NME3: variants seen among roughly 807,000 people sequenced by gnomAD.
NME3 encodes NME/NM23 nucleoside diphosphate kinase 3.
In NME3, 23 loss-of-function variants were observed where a neutral mutation model predicts 15.8. That is an observed-to-expected ratio of 1.45 (90% CI 1.05 to 2.06). The LOEUF is 2.06. Ranked by LOEUF, NME3 falls within the 30% of genes most tolerant of loss-of-function variation. The probability of loss-of-function intolerance (pLI) is 0.00; values close to 1 mark genes in which losing one functional copy is unlikely to be tolerated. For missense variants in NME3, 354 were observed against 243.2 expected (o/e 1.46, Z -3.03); for synonymous variants, 157 against 104.4 (o/e 1.50, Z -3.07).
chr16:1,770,754 G>C lies in NME3; in HGVS notation c.405C>G (p.His135Gln). The C allele has an allele frequency of 3.1e-6, 5 of 1,601,270 alleles. No individual in the cohort carries two copies. The highest frequency in any genetic ancestry group is 4.3e-6 in the Non-Finnish European group (5 of 1,174,966). ...GGGCACTCTCCACCGAGTCGCTGCC[G>C]TGAATCAGGTTCCTGCGCGGAAGAG... ...FCIEVGKNLI[H>Q]GSDSVESARR... is the part of the protein sequence containing the mutation. The change falls in exon 5 of 5, where the codon CAC becomes CAG. Residue 135 changes from histidine (H) to glutamine (Q), a missense_variant. His to Gln is a conservative substitution (Grantham distance 24, BLOSUM62 0). Transcript: ENST00000219302.
At chr16:1,770,833 C>G (rs763144327) in intron 4 of NME3, 48 bp downstream of exon 4, 26 of 1,573,000 alleles carry the variant, frequency 1.7e-5, no homozygotes, top group Non-Finnish European at 2.3e-5. Flanking sequence ...GCAGGCTGAA[C>G]AGGGGGAGGC....
Position 1,770,343 on chromosome 16 carries a change from A to G in NME3, c.*306T>C. 2.9e-6 allele frequency: 1 copy of G among 339,296 alleles called. No individual in the cohort carries two copies. Among genetic ancestry groups the G allele is most frequent in the Non-Finnish European group, 5.3e-6 (1 of 186,972 alleles). 21.0% of individuals were successfully genotyped at this position (339,296 alleles called of 1,614,324 possible). ...GCTGCCTGTTCCTGGGCCCAAATCG[A>G]AACGAAAACGAGGACTTTATTATAA... is the stretch of plus-strand genomic sequence containing the variant. On this transcript the variant is annotated 3_prime_UTR_variant, in exon 5 of 5. Transcript: ENST00000219302.
At position 1,770,924 on chromosome 16, in the gene NME3, G is replaced by T. The variant is rs770283567; in HGVS notation, c.349C>A (p.Pro117Thr). ...LIGATNPADA[P>T]PGTIRGDFCI... ...AAATCCCCGCGGATGGTGCCGGGCG[G>T]GGCGTCGGCCGGGTTCGTGGCTCCG... Residue 117 changes from proline to threonine, a missense_variant, in exon 4 of 5, where the codon CCG becomes ACG. Coordinates refer to ENST00000219302, the MANE Select transcript of NME3 (RefSeq NM_002513.3). The T allele has an allele frequency of 6.3e-7, 1 of 1,588,364 alleles. No individual in the cohort carries two copies.
chr16:1,770,848 C>T, intron 4 of NME3, 33 bp downstream of exon 4: 6 of 1,569,332 alleles, frequency 3.8e-6, no homozygotes, highest in African/African-American at 2.7e-5. Flanking sequence ...GGAGGCCGGA[C>T]GGGGCTGGGA....
rs112536934 is a variant in NME3 at position 1,770,617 on chromosome 16, T to C, written c.*32A>G. The C allele has an allele frequency of 1.6e-5, 24 of 1,510,148 alleles. No individual in the cohort carries two copies. The African/African-American group carries it at 2.2e-4, about 14-fold the overall frequency. The allele number at this position is 1,510,148 out of a possible 1,614,324, so 93.5% of individuals were successfully genotyped here. ...ACCTGGGCCCTGGAGGAGGCTGGAG[T>C]GTGAGAGCCTCTGTGACGCGCATCT... is the stretch of plus-strand genomic sequence containing the variant. On this transcript the variant is annotated 3_prime_UTR_variant, in exon 5 of 5. Transcript: ENST00000219302.
At position 1,771,541 on chromosome 16, in the gene NME3, G is replaced by C. The variant is rs1238979252; in HGVS notation, c.-7C>G. 7.9e-6 allele frequency: 9 copies of C among 1,132,238 alleles called. No individual in the cohort carries two copies. The South Asian group carries it at 2.2e-4, about 28-fold the overall frequency. The allele number at this position is 1,132,238 out of a possible 1,614,324, so 70.1% of individuals were successfully genotyped here. ...TCAGCACCAGGCAGATCATGATGGC[G>C]GTGCGGGAGCGGGATCCGCGGGGCG... On this transcript the variant is annotated 5_prime_UTR_variant, in exon 1 of 5. Transcript: ENST00000219302.
rs1185993271 is a variant in NME3 at position 1,771,172 on chromosome 16, C to T, written c.178-1G>A. 2 of 1,599,320 alleles carry T rather than the reference C, an allele frequency of 1.3e-6. No homozygotes were observed. ...GCTCACGCAGCAGCTCCTCGGAGGC[C>T]TGCGGAAGGGTCAGGCCGCCTGCGC... On this transcript the variant is annotated splice_acceptor_variant, in intron 2 of 4. Transcript: ENST00000219302. LOFTEE classifies it high-confidence loss of function.
chr16:1,771,068 A>G lies in NME3; in HGVS notation c.279+2T>C, dbSNP rs1372142082. On this transcript the variant is annotated splice_donor_variant, in intron 3 of 4. Transcript: ENST00000219302. LOFTEE classifies it high-confidence loss of function. ...CCGCCCGCCCGCTTCCCGGATACTC[A>G]CCATGGCCACCACCGGCCCGGAGGC... The G allele has an allele frequency of 1.2e-6, 2 of 1,606,306 alleles. No homozygotes were observed. The highest frequency in any genetic ancestry group is 1.7e-6 in the Non-Finnish European group (2 of 1,176,576).
Position 1,771,322 on chromosome 16 carries a change from G to C in NME3, c.135C>G (p.Phe45Leu). 6.2e-7 allele frequency: 1 copy of C among 1,604,444 alleles called. No individual in the cohort carries two copies. The highest frequency in any genetic ancestry group is 1.3e-5 in the African/African-American group (1 of 74,782). ...CCACCAACTTGAAGCCCTTCCTCTC[G>C]AAGCGCCGCACAATCTCGCCCACCA... ...RRLVGEIVRR[F>L]ERKGFKLVAL... Residue 45 changes from phenylalanine to leucine, a missense_variant, in exon 2 of 5, where the codon TTC (phenylalanine) becomes TTG (leucine). By Grantham distance (22) the Phe-to-Leu change is conservative. Transcript: ENST00000219302.
chr16:1,770,962 G>A lies in NME3; in HGVS notation c.311C>T (p.Ser104Leu), dbSNP rs1467003555. ...VWQGLDVVRTSRALIGATNPA... is the reference protein window; with the variant it reads ...VWQGLDVVRTLRALIGATNPA... ...GTTCGTGGCTCCGATGAGCGCCCGC[G>A]AGGTGCGCACCACGTCCAGCCCCTG... The change falls in exon 4 of 5, where the codon TCG becomes TTG. Residue 104 changes from serine (S) to leucine (L), a missense_variant. Transcript: ENST00000219302. 6.3e-7 allele frequency: 1 copy of A among 1,585,196 alleles called. No homozygotes were observed. The highest frequency in any genetic ancestry group is 1.7e-5 in the Admixed American group (1 of 58,320).
At chr16:1,771,214 G>C in intron 2 of NME3, 43 bp from the exon 3 acceptor site, 8 of 1,571,972 alleles carry the variant, frequency 5.1e-6, no homozygotes, top group Non-Finnish European at 6.9e-6. Context: ...CCGGCACCTA[G>C]GCGTCCCCAG....
In NME3 at chr16:1,770,960, G is replaced by C. The variant is rs570760529; in HGVS notation, c.313C>G (p.Arg105Gly). ...WQGLDVVRTS[R>G]ALIGATNPAD... ...GGGTTCGTGGCTCCGATGAGCGCCCGCGAGGTGCGCACCACGTCCAGCCCC... is the reference window on the plus strand; with the variant it reads ...GGGTTCGTGGCTCCGATGAGCGCCCCCGAGGTGCGCACCACGTCCAGCCCC... Residue 105 changes from arginine to glycine, a missense_variant, in exon 4 of 5, where the codon CGG (arginine) becomes GGG (glycine). Arg to Gly is a moderately radical substitution (Grantham distance 125, BLOSUM62 -2). Transcript: ENST00000219302. 1 of 1,584,942 alleles carries C rather than the reference G, an allele frequency of 6.3e-7. No homozygotes were observed. The highest frequency in any genetic ancestry group is 1.1e-5 in the South Asian group (1 of 89,286).
In NME3 at chr16:1,770,884, C is replaced by A. The variant is rs201104830; in HGVS notation, c.389G>T (p.Gly130Val). 59 of 1,573,892 alleles carry A rather than the reference C, an allele frequency of 3.7e-5. No individual in the cohort carries two copies. Among genetic ancestry groups the A allele is most frequent in the Non-Finnish European group, 4.6e-5 (53 of 1,155,780 alleles). The change falls in exon 4 of 5, where the codon GGC (glycine) becomes GTC (valine). Residue 130 changes from glycine (G) to valine (V), a missense_variant. Gly to Val is a moderately radical substitution (Grantham distance 109). Coordinates refer to ENST00000219302, the MANE Select transcript of NME3 (RefSeq NM_002513.3). ...CCGTCCCCGGGGCGGGCCTTACTTG[C>A]CAACCTCGATGCAGAAATCCCCGCG... ...TIRGDFCIEV[G>V]KNLIHGSDSV...
At position 1,770,733 on chromosome 16, in the gene NME3, A is replaced by G. The variant is rs752687177; in HGVS notation, c.426T>C (p.Ser142=). 5 of 1,594,580 alleles carry G rather than the reference A, an allele frequency of 3.1e-6. No homozygotes were observed. Among genetic ancestry groups the G allele is most frequent in the South Asian group, 1.1e-5 (1 of 89,100 alleles). The change falls in exon 5 of 5, where the codon AGT becomes AGC. Residue 142 remains serine, a synonymous_variant. Transcript: ENST00000219302. ...NLIHGSDSVE[S]ARREIALWFR... ...ACCAGAGAGCGATCTCGCGGCGGGC[A>G]CTCTCCACCGAGTCGCTGCCGTGAA...
Position 1,771,309 on chromosome 16 carries a change from A to G in NME3, c.148T>C (p.Phe50Leu), listed in dbSNP as rs1036058867. The G allele has an allele frequency of 6.2e-7, 1 of 1,606,366 alleles. No homozygotes were observed. The highest frequency in any genetic ancestry group is 8.5e-7 in the Non-Finnish European group (1 of 1,177,914). ...ACCAGCTTCAGCGCCACCAACTTGA[A>G]GCCCTTCCTCTCGAAGCGCCGCACA... ...EIVRRFERKG[F>L]KLVALKLVQA... is the part of the protein sequence containing the mutation. The change falls in exon 2 of 5, where the codon TTC becomes CTC. Residue 50 changes from phenylalanine (F) to leucine (L), a missense_variant. Coordinates refer to ENST00000219302, the MANE Select transcript of NME3 (RefSeq NM_002513.3).
At position 1,770,763 on chromosome 16, in the gene NME3, G is replaced by A. The variant is rs774778413; in HGVS notation, c.396C>T (p.Asn132=). The change falls in exon 5 of 5, where the codon AAC becomes AAT. Residue 132 remains asparagine (N), a synonymous_variant. Coordinates refer to ENST00000219302, the MANE Select transcript of NME3 (RefSeq NM_002513.3). The part of the protein sequence containing the change: ...RGDFCIEVGK[N]LIHGSDSVES... ...CCACCGAGTCGCTGCCGTGAATCAG[G>A]TTCCTGCGCGGAAGAGGCGCGTGTG... 13 of 1,602,150 alleles carry A rather than the reference G, an allele frequency of 8.1e-6. No homozygotes were observed. Among genetic ancestry groups the A allele is most frequent in the South Asian group, 1.1e-5 (1 of 90,254 alleles).
Position 1,771,292 on chromosome 16 carries a change from C to A in NME3, c.165G>T (p.Leu55=). 1 of 1,605,160 alleles carries A rather than the reference C, an allele frequency of 6.2e-7. No homozygotes were observed. The highest frequency in any genetic ancestry group is 2.2e-5 in the East Asian group (1 of 44,618). ...ACCGCGCCCCCACCTGCACCAGCTT[C>A]AGCGCCACCAACTTGAAGCCCTTCC... ...FERKGFKLVA[L]KLVQASEELL... is the part of the protein sequence containing the mutation. Residue 55 remains leucine, a synonymous_variant, in exon 2 of 5, where the codon CTG becomes CTT. Transcript: ENST00000219302.
intron 2 of NME3, 38 bp downstream of exon 2, chr16:1,771,242 C>A: frequency 1.3e-6 from 2 of 1,577,542 alleles, no homozygotes; most frequent in Non-Finnish European, 8.6e-7. Flanking sequence ...CTCCCCTTCC[C>A]CCCACACCGC....
intron 3 of NME3, 33 bp from the exon 4 acceptor site, chr16:1,771,026 G>A (rs1488972234): frequency 6.3e-7 from 1 of 1,595,012 alleles, no homozygotes; most frequent in Non-Finnish European, 8.6e-7. Context: ...TATCACGCGG[G>A]GGTGGGGGTC....
Sources: allele counts gnomAD v4.1 joint callset, GRCh38; gene constraint gnomAD v4.1.1; transcripts MANE v1.5; gene names NCBI Gene and HGNC (gene_info 2026-07-23, HGNC 2026-07-21).